SEPHS1: variants seen among roughly 807,000 people sequenced by gnomAD.
The protein encoded by SEPHS1 is zincore component SEPHS1.
In SEPHS1, 7 loss-of-function variants were observed where a neutral mutation model predicts 39.2. The ratio of observed to expected loss-of-function variants is 0.18; its 90% CI spans 0.10 to 0.34. SEPHS1 has a LOEUF of 0.34. Ranked by LOEUF, SEPHS1 falls within the 10% of genes least tolerant of loss-of-function variation. The probability of loss-of-function intolerance (pLI) is 1.00; values close to 1 mark genes in which losing one functional copy is unlikely to be tolerated. For missense variants in SEPHS1, 253 were observed against 514.5 expected (o/e 0.49, Z 4.92); for synonymous variants, 190 against 195.5 (o/e 0.97, Z 0.23).
At chr10:13,340,337 G>A (rs949918842) in intron 2 of SEPHS1, among the ~76,000 whole-genome samples, 7 of 151,948 alleles carry the variant, frequency 4.6e-5, no homozygotes, top group African/African-American at 1.7e-4. Context: ...GTTCAGAATG[G>A]CAAGTTTCAA....
chr10:13,348,037 G>A lies in SEPHS1; in HGVS notation c.-116C>T, dbSNP rs1833987864. ...CGCCCTCCGCCTCCTCCCGAAAACG[G>A]GCCGCGGGCCGCTCCCACAATGCAC... is the stretch of plus-strand genomic sequence containing the variant. On this transcript the variant is annotated 5_prime_UTR_variant, in exon 1 of 9. Transcript: ENST00000327347. The A allele has an allele frequency of 1.3e-5, 2 of 148,458 alleles. No homozygotes were observed. The highest frequency in any genetic ancestry group is 4.9e-5 in the African/African-American group (2 of 40,812). The allele number at this position is 148,458 out of a possible 1,614,324, so 9.2% of individuals were successfully genotyped here. A position where few individuals can be genotyped will look rare whatever the true frequency, so the allele number is the denominator to read the frequency against.
At chr10:13,344,492 T>G (rs764362632) in intron 2 of SEPHS1, among the ~76,000 whole-genome samples, 1 of 152,062 alleles carries the variant, frequency 6.6e-6, no homozygotes, top group East Asian at 1.9e-4. Context: ...ATCATAACAT[T>G]GATTGCTCTT....
intron 8 of SEPHS1, among the ~76,000 whole-genome samples, chr10:13,321,229 C>A (rs765777638): frequency 6.6e-6 from 1 of 150,440 alleles, no homozygotes; most frequent in Non-Finnish European, 1.5e-5. Context: ...TTTTGGGAGG[C>A]TGGGGCTAGG....
Position 13,329,763 on chromosome 10 carries a change from C to T in SEPHS1, c.586G>A (p.Val196Met), listed in dbSNP as rs1258469101. Residue 196 changes from valine (V) to methionine (M), a missense_variant, in exon 6 of 9, where the codon GTG becomes ATG. Val to Met is a conservative substitution (Grantham distance 21). Around this residue, in one of 4 missense-constraint regions of SEPHS1, gnomAD observed 107 missense variants for 257.1 expected, o/e 0.42. Transcript: ENST00000327347. ...IMPDNAVPGD[V>M]LVLTKPLGTQ... ...CCCAGGGGTTTTGTCAGCACCAGCA[C>T]GTCCCCTGGCACTGCATTGTCTGGC... is the stretch of plus-strand genomic sequence containing the variant. 1.9e-6 allele frequency: 3 copies of T among 1,609,368 alleles called. No homozygotes were observed. Among genetic ancestry groups the T allele is most frequent in the East Asian group, 2.2e-5 (1 of 44,850 alleles).
chr10:13,320,259 G>A (rs1242070133), intron 8 of SEPHS1, among the ~76,000 whole-genome samples: 2 of 151,196 alleles, frequency 1.3e-5, no homozygotes, highest in Admixed American at 1.3e-4. Context: ...TCGGCTCACT[G>A]CAAGCTCCAC....
chr10:13,344,118 ACCT>A (rs1331643613), intron 2 of SEPHS1, among the ~76,000 whole-genome samples: 1 of 151,996 alleles, frequency 6.6e-6, no homozygotes, highest in African/African-American at 2.4e-5. Context: ...GAGCAGTCCC[ACCT>A]CCTCACCGTA....
chr10:13,338,161 G>A (rs1000145574), intron 3 of SEPHS1, among the ~76,000 whole-genome samples: 1 of 152,202 alleles, frequency 6.6e-6, no homozygotes, highest in Non-Finnish European at 1.5e-5. Context: ...AACCTACTAT[G>A]TACAGCGGCA....
At chr10:13,321,742 C>A (rs1833124276) in intron 8 of SEPHS1, among the ~76,000 whole-genome samples, 2 of 152,200 alleles carry the variant, frequency 1.3e-5, no homozygotes, top group Non-Finnish European at 2.9e-5. Flanking sequence ...CCAGCTGGGG[C>A]TGCGGGAGTG....
At position 13,318,941 on chromosome 10, in the gene SEPHS1, G is replaced by A; in HGVS notation, c.*201C>T. On this transcript the variant is annotated 3_prime_UTR_variant, in exon 9 of 9. Transcript: ENST00000327347. ...ATTCTCAACTCAGAAGCTGCCTCAA[G>A]ATTAGGTGCATCTTCAGTTAATGTA... The A allele has an allele frequency of 1.7e-6, 1 of 572,694 alleles. No individual in the cohort carries two copies. The highest frequency in any genetic ancestry group is 3.0e-6 in the Non-Finnish European group (1 of 328,366). The allele number at this position is 572,694 out of a possible 1,614,324, so 35.5% of individuals were successfully genotyped here. A position where few individuals can be genotyped will look rare whatever the true frequency, so the allele number is the denominator to read the frequency against.
At chr10:13,338,903 T>C in intron 2 of SEPHS1, 95 bp from the exon 3 acceptor site, 2 of 915,344 alleles carry the variant, frequency 2.2e-6, no homozygotes, top group African/African-American at 1.6e-5. Flanking sequence ...GCTCATAAGA[T>C]ACTTATGGAA....
At position 13,334,043 on chromosome 10, in the gene SEPHS1, C is replaced by G. The variant is rs1289815426; in HGVS notation, c.406-72G>C. The G allele has an allele frequency of 3.8e-6, 5 of 1,320,056 alleles. No homozygotes were observed. In the East Asian group the frequency reaches 6.9e-5, roughly 18 times the overall value. 81.8% of individuals were successfully genotyped at this position (1,320,056 alleles called of 1,614,324 possible). On this transcript the variant is annotated intron_variant, in intron 4 of 8. Coordinates refer to ENST00000327347, the MANE Select transcript of SEPHS1 (RefSeq NM_012247.5). ...AAACCCAGAAAAGAAGGTTTTTACA[C>G]TTACAGTTATAAAAAGAACCATAAA...
At chr10:13,330,516 T>C (rs1833430946) in intron 5 of SEPHS1, among the ~76,000 whole-genome samples, 1 of 152,202 alleles carries the variant, frequency 6.6e-6, no homozygotes, top group Non-Finnish European at 1.5e-5. Flanking sequence ...CTACCAGACT[T>C]GCATTCACAC....
chr10:13,334,950 C>G (rs972742731), intron 4 of SEPHS1, among the ~76,000 whole-genome samples: 11 of 152,192 alleles, frequency 7.2e-5, no homozygotes, highest in African/African-American at 2.4e-4. Flanking sequence ...AGGCATCCAT[C>G]CTACCAAGGC....
intron 6 of SEPHS1, among the ~76,000 whole-genome samples, chr10:13,328,672 A>G (rs751049848): frequency 2.6e-5 from 4 of 152,166 alleles, no homozygotes; most frequent in Non-Finnish European, 4.4e-5. Flanking sequence ...ACATTTCTGT[A>G]ATTAAGTGCT....
intron 2 of SEPHS1, among the ~76,000 whole-genome samples, chr10:13,344,461 T>C (rs985389289): frequency 1.3e-5 from 2 of 152,010 alleles, no homozygotes; most frequent in African/African-American, 4.8e-5. Flanking sequence ...TCTACATAAG[T>C]TACAAGAACA....
chr10:13,321,064 CAG>C lies in SEPHS1; in HGVS notation c.965-1710_965-1709del, dbSNP rs531115862. On this transcript the variant is annotated intron_variant, in intron 8 of 8. Coordinates refer to ENST00000327347, the MANE Select transcript of SEPHS1 (RefSeq NM_012247.5). ...TCTATAAAGGCGGTGAGAGGCCTGG[CAG>C]AGTCCTGAAGCCCCCTCGCCACAGC... Among the ~76,000 whole-genome samples the C allele has an allele frequency of 6.6e-5, 10 of 152,114 alleles. No individual in the cohort carries two copies. The South Asian group carries it at 2.1e-3, about 32-fold the overall frequency.
Position 13,344,992 on chromosome 10 carries a change from T to G in SEPHS1, c.-42A>C, listed in dbSNP as rs761731624. The G allele has an allele frequency of 2.9e-6, 4 of 1,397,256 alleles. No homozygotes were observed. The Admixed American group carries it at 7.7e-5, about 27-fold the overall frequency. The allele number at this position is 1,397,256 out of a possible 1,614,324, so 86.6% of individuals were successfully genotyped here. ...TCTCCTCACAGCTCAGCCCCTCCCCTCCCTCTGCGGGTTGGCTGGGTTCTT... is the reference window on the plus strand; with the variant it reads ...TCTCCTCACAGCTCAGCCCCTCCCCGCCCTCTGCGGGTTGGCTGGGTTCTT... On this transcript the variant is annotated 5_prime_UTR_variant, in exon 2 of 9. Coordinates refer to ENST00000327347, the MANE Select transcript of SEPHS1 (RefSeq NM_012247.5).
At chr10:13,328,268 T>G in intron 7 of SEPHS1, 83 bp downstream of exon 7, 14 of 968,274 alleles carry the variant, frequency 1.4e-5, no homozygotes, top group Non-Finnish European at 1.9e-5. Context: ...CCACCTACCC[T>G]GAGACAGTAT....
At chr10:13,325,934 GAGACTCAGTCTCAAAAAAAAAAAAAAAA>G (rs1833260694) in intron 7 of SEPHS1, among the ~76,000 whole-genome samples, 1 of 14,096 alleles carries the variant, frequency 7.1e-5, no homozygotes, top group African/African-American at 4.6e-4. Context: ...AAAAAAAAAA[GAGACTCAGTCTCAAAAAAAAAAAAAAAA>G]AATAATAATA....
Sources: gnomAD v4.1 joint callset for allele counts (sites outside exome capture counted in the v4.1 genomes callset) on GRCh38, gnomAD v4.1.1 for gene constraint, gnomAD v4.1.1 regional missense constraint, MANE v1.5 for transcripts, NCBI Gene and HGNC (gene_info 2026-07-23, HGNC 2026-07-21) for gene names.